ZZEF1: variants seen among roughly 807,000 people sequenced by gnomAD.
ZZEF1 encodes the protein zinc finger ZZ-type and EF-hand domain containing 1.
Under a neutral mutation model 342.8 loss-of-function variants are expected in ZZEF1, and 157 were observed. The ratio of observed to expected loss-of-function variants is 0.46; its 90% CI spans 0.40 to 0.52. The LOEUF (loss-of-function observed/expected upper bound fraction) is 0.52. Among genes scored for constraint, ZZEF1 ranks in the 20% least tolerant of loss-of-function variants. The probability of loss-of-function intolerance (pLI) is 0.00; values close to 1 mark genes in which losing one functional copy is unlikely to be tolerated. For missense variants in ZZEF1, 3,480 were observed against 3,725.6 expected (o/e 0.93, Z 1.72); for synonymous variants, 1,505 against 1,429.1 (o/e 1.05, Z -1.20).
intron 1 of ZZEF1, among the ~76,000 whole-genome samples, chr17:4,139,305 C>T (rs141012215): frequency 6.6e-6 from 1 of 150,712 alleles, no homozygotes; most frequent in Non-Finnish European, 1.5e-5. Context: ...CCAATGGCAG[C>T]GTAAGTTGGG....
chr17:4,068,156 A>G lies in ZZEF1; in HGVS notation c.4076-914T>C, dbSNP rs141047550. On this transcript the variant is annotated intron_variant, in intron 26 of 54. Transcript: ENST00000381638. ...TATACATACATATGAATATACCTAC[A>G]TAAAGTCCAGGTAAATAGAAAAACA... is the stretch of plus-strand genomic sequence containing the variant. 3.8e-3 allele frequency among the ~76,000 whole-genome samples: 573 copies of G among 152,348 alleles called. 6 individuals carry two copies. The highest frequency in any genetic ancestry group is 0.013 in the African/African-American group (543 of 41,574).
intron 26 of ZZEF1, among the ~76,000 whole-genome samples, chr17:4,068,951 A>G (rs968786943): frequency 3.9e-5 from 6 of 152,228 alleles, no homozygotes; most frequent in South Asian, 2.1e-4. Flanking sequence ...TATAATATCT[A>G]TATCAATATC....
In ZZEF1 at chr17:4,049,983, C is replaced by T. The variant is rs188123291; in HGVS notation, c.5864-124G>A. On this transcript the variant is annotated intron_variant, in intron 36 of 54. Coordinates refer to ENST00000381638, the MANE Select transcript of ZZEF1 (RefSeq NM_015113.4). The stretch of plus-strand genomic sequence containing the variant: ...AAATGAGTTCTGCACAAACCAAATC[C>T]TAGAGGACTCAACGTGAACATCCCT... 1.4e-3 allele frequency: 1,483 copies of T among 1,084,836 alleles called. 3 individuals carry two copies. Among genetic ancestry groups the T allele is most frequent in the Non-Finnish European group, 1.8e-3 (1,420 of 771,674 alleles). 67.2% of individuals were successfully genotyped at this position (1,084,836 alleles called of 1,614,324 possible).
Position 4,048,660 on chromosome 17 carries a change from TGAATATAAATACA to T in ZZEF1, c.6015+1035_6015+1047del. ...GCATCAGTAACACCTAACTGTTGAC[TGAATATAAATACA>T]GCTACACCGATACAGTGTACACCAT... On this transcript the variant is annotated intron_variant, in intron 37 of 54. Coordinates refer to ENST00000381638, the MANE Select transcript of ZZEF1 (RefSeq NM_015113.4). Among the ~76,000 whole-genome samples, 4 of 152,342 alleles carry T rather than the reference TGAATATAAATACA, an allele frequency of 2.6e-5. 1 individual carries two copies. The Middle Eastern group carries it at 0.014, about 518-fold the overall frequency.
chr17:4,051,942 C>A, intron 35 of ZZEF1, 29 bp downstream of exon 35: 6 of 1,591,524 alleles, frequency 3.8e-6, no homozygotes, highest in Non-Finnish European at 5.1e-6. Flanking sequence ...AAATAAAAGG[C>A]TTGGTGGCGA....
intron 37 of ZZEF1, among the ~76,000 whole-genome samples, chr17:4,047,427 T>C (rs2056942529): frequency 6.6e-6 from 1 of 152,052 alleles, no homozygotes. Flanking sequence ...GATGGATTGC[T>C]TGAGTCCAGG....
At chr17:4,139,139 C>T (rs1463873299) in intron 1 of ZZEF1, among the ~76,000 whole-genome samples, 2 of 132,530 alleles carry the variant, frequency 1.5e-5, no homozygotes, top group East Asian at 4.1e-4. Flanking sequence ...CGCACCTTCT[C>T]CCTGGACCAC....
rs779287716 is a variant in ZZEF1 at position 4,050,997 on chromosome 17, G to A, written c.5647C>T (p.Arg1883Trp). 11 of 1,614,106 alleles carry A rather than the reference G, an allele frequency of 6.8e-6. No individual in the cohort carries two copies. In the African/African-American group the frequency reaches 9.3e-5, roughly 14 times the overall value. ...SITAHPMVTI[R>W]ISDRQRLIQP... ...ATGAGCCTCTGCCGGTCACTGATCC[G>A]AATGGTTACCATTGGGTGGGCCGTG... The change falls in exon 36 of 55, where the codon CGG becomes TGG. Residue 1883 changes from arginine to tryptophan, a missense_variant. By Grantham distance (101) the Arg-to-Trp change is moderately radical. Coordinates refer to ENST00000381638, the MANE Select transcript of ZZEF1 (RefSeq NM_015113.4).
In ZZEF1 at chr17:4,008,066, G is replaced by A; in HGVS notation, c.8805+817C>T. On this transcript the variant is annotated intron_variant, in intron 54 of 54. Transcript: ENST00000381638. The surrounding 1 kb of genome is among the most constrained non-coding windows in gnomAD (Gnocchi z 4.2). ...CCGAGACCCTTTTGGGGTCTGCAAGGTTCATTTTTGACTTTCCTTCTCCTG... is the reference window on the plus strand; with the variant it reads ...CCGAGACCCTTTTGGGGTCTGCAAGATTCATTTTTGACTTTCCTTCTCCTG... Among the ~76,000 whole-genome samples the A allele has an allele frequency of 6.6e-6, 1 of 152,010 alleles. No individual in the cohort carries two copies. The highest frequency in any genetic ancestry group is 1.5e-5 in the Non-Finnish European group (1 of 68,004).
At chr17:4,087,783 AAC>A (rs10522603) in intron 13 of ZZEF1, among the ~76,000 whole-genome samples, 9,876 of 145,774 alleles carry the variant, frequency 0.068, 375 homozygotes, top group Admixed American at 0.12. Context: ...ATATACACAC[AAC>A]ACACACACAC....
intron 38 of ZZEF1, among the ~76,000 whole-genome samples, 178 bp from the exon 39 acceptor site, chr17:4,042,746 A>T (rs184810008): frequency 6.8e-4 from 104 of 152,328 alleles, no homozygotes; most frequent in African/African-American, 2.5e-3. Flanking sequence ...CAATGGCACA[A>T]TCTCGGCTCA....
chr17:4,041,834 A>G (rs961092161), intron 39 of ZZEF1, among the ~76,000 whole-genome samples: 1 of 152,206 alleles, frequency 6.6e-6, no homozygotes, highest in African/African-American at 2.4e-5. Context: ...ATTAAAGACA[A>G]AGTCAGCATG....
intron 42 of ZZEF1, among the ~76,000 whole-genome samples, chr17:4,029,069 C>G (rs1221496843): frequency 6.6e-6 from 1 of 152,146 alleles, no homozygotes; most frequent in Non-Finnish European, 1.5e-5. Context: ...GATAAAACAT[C>G]AGTAAGGGCA....
At chr17:4,132,697 T>C (rs1230640547) in intron 1 of ZZEF1, among the ~76,000 whole-genome samples, 1 of 122,944 alleles carries the variant, frequency 8.1e-6, no homozygotes, top group African/African-American at 2.6e-5. Context: ...CCGGGTGTGG[T>C]GGCGGGCGCC....
At chr17:4,018,424 C>G (rs931354685) in intron 46 of ZZEF1, among the ~76,000 whole-genome samples, 2 of 152,024 alleles carry the variant, frequency 1.3e-5, no homozygotes, top group Non-Finnish European at 2.9e-5. Context: ...CTCCCCTTCT[C>G]TCCTTTTTTT....
chr17:4,097,629 C>A (rs988185180), intron 9 of ZZEF1, among the ~76,000 whole-genome samples: 3 of 106,206 alleles, frequency 2.8e-5, no homozygotes, highest in Non-Finnish European at 7.2e-5. Context: ...GTCCACAGAA[C>A]TAAACACTGT....
intron 1 of ZZEF1, among the ~76,000 whole-genome samples, chr17:4,140,299 A>C (rs960469204): frequency 2.0e-5 from 3 of 152,152 alleles, no homozygotes; most frequent in African/African-American, 7.2e-5. Context: ...TGTGGATACA[A>C]TTTCCTCTGC....
Position 4,014,869 on chromosome 17 carries a change from CTA to C in ZZEF1, c.8146-356_8146-355del, listed in dbSNP as rs2056061143. 1.3e-5 allele frequency among the ~76,000 whole-genome samples: 2 copies of C among 152,232 alleles called. No homozygotes were observed. Among genetic ancestry groups the C allele is most frequent in the Non-Finnish European group, 2.9e-5 (2 of 67,998 alleles). On this transcript the variant is annotated intron_variant, in intron 49 of 54. Coordinates refer to ENST00000381638, the MANE Select transcript of ZZEF1 (RefSeq NM_015113.4). The surrounding 1 kb of genome is among the most constrained non-coding windows in gnomAD (Gnocchi z 4.4). ...GACAGGGTAACAGCCCTGTGAAGGT[CTA>C]GCATGTTCAGGGAATGGCAAGGAGC... is the stretch of plus-strand genomic sequence containing the variant.
chr17:4,110,406 A>G (rs1278486988), intron 5 of ZZEF1, among the ~76,000 whole-genome samples: 1 of 152,244 alleles, frequency 6.6e-6, no homozygotes, highest in African/African-American at 2.4e-5. Flanking sequence ...AAAGATCACA[A>G]TATAAGACAG....
Sources: gnomAD v4.1 joint callset for allele counts (sites outside exome capture counted in the v4.1 genomes callset) on GRCh38, gnomAD v4.1.1 for gene constraint, Gnocchi (gnomAD v3.1) non-coding constraint, MANE v1.5 for transcripts, NCBI Gene and HGNC (gene_info 2026-07-23, HGNC 2026-07-21) for gene names.